LRCH3: variants seen among roughly 807,000 people sequenced by gnomAD.
LRCH3 encodes leucine rich repeats and calponin homology domain containing 3.
LRCH3 carries 68 observed loss-of-function variants against 104.5 expected under a neutral mutation model. That is an observed-to-expected ratio of 0.65 (90% confidence interval 0.54 to 0.80). LRCH3 has a LOEUF of 0.80. LRCH3 is among the 30% of genes least tolerant of loss of function. The probability of loss-of-function intolerance (pLI) is 0.00; values close to 1 mark genes in which losing one functional copy is unlikely to be tolerated. For missense variants in LRCH3, 951 were observed against 953.9 expected, an observed-to-expected ratio of 1.00 and a Z score of 0.04; for synonymous variants, 344 against 361.3, an observed-to-expected ratio of 0.95 and a Z score of 0.54.
At chr3:197,806,359 T>G (rs1239968862) in intron 1 of LRCH3, among the ~76,000 whole-genome samples, 1 of 152,070 alleles carries the variant, frequency 6.6e-6, no homozygotes, top group African/African-American at 2.4e-5. Context: ...ACTCCTGAGC[T>G]CAAATGATCC....
At chr3:197,818,651 A>G (rs1208463397) in intron 3 of LRCH3, among the ~76,000 whole-genome samples, 1 of 152,260 alleles carries the variant, frequency 6.6e-6, no homozygotes, top group Non-Finnish European at 1.5e-5. Flanking sequence ...GGTTAAAAAC[A>G]TGAACTAGAA....
intron 1 of LRCH3, among the ~76,000 whole-genome samples, chr3:197,809,452 C>T (rs992683764): frequency 6.6e-6 from 1 of 152,196 alleles, no homozygotes; most frequent in African/African-American, 2.4e-5. Context: ...GAAGCTTTCA[C>T]TTCAGTTCAT....
At chr3:197,842,527 T>A (rs1228887049) in intron 10 of LRCH3, among the ~76,000 whole-genome samples, 2 of 152,192 alleles carry the variant, frequency 1.3e-5, no homozygotes, top group Admixed American at 6.5e-5. Context: ...TAAGGAATCC[T>A]CTGCTAGTGA....
At chr3:197,857,345 G>A (rs1740392295) in intron 14 of LRCH3, among the ~76,000 whole-genome samples, 1 of 149,140 alleles carries the variant, frequency 6.7e-6, no homozygotes, top group Non-Finnish European at 1.5e-5. Flanking sequence ...GTTAATATCA[G>A]TTTACACTGA....
intron 17 of LRCH3, 137 bp downstream of exon 17, chr3:197,866,356 T>TA: frequency 1.6e-6 from 1 of 634,196 alleles, no homozygotes; most frequent in South Asian, 1.9e-5. Context: ...GTGTCTGTGA[T>TA]CTCACTGATA....
chr3:197,869,520 CCGTGCACTGTACCTGCA>C (rs1711818577), intron 17 of LRCH3, among the ~76,000 whole-genome samples: 2 of 149,032 alleles, frequency 1.3e-5, no homozygotes, highest in African/African-American at 2.5e-5. Flanking sequence ...AGGTAGAAAG[CCGTGCACTGTACCTGCA>C]GGAGGTAGAA....
At position 197,839,376 on chromosome 3, in the gene LRCH3, G is replaced by C; in HGVS notation, c.1307G>C (p.Arg436Thr). ...IREFQKTEDM[R>T]RYLHQNRVPA... ...GAGTTTCAAAAAACAGAAGATATGA[G>C]AAGATATTTACATCAAAACAGGTTT... is the stretch of plus-strand genomic sequence containing the variant. Residue 436 changes from arginine to threonine, a missense_variant, in exon 10 of 21, where the codon AGA becomes ACA. By Grantham distance (71) the Arg-to-Thr change is moderately conservative (BLOSUM62 -1). Transcript: ENST00000425562. The C allele has an allele frequency of 6.3e-7, 1 of 1,594,526 alleles. No individual in the cohort carries two copies. The highest frequency in any genetic ancestry group is 1.9e-5 in the Admixed American group (1 of 53,706).
rs894797052 is a variant in LRCH3 at position 197,883,628 on chromosome 3, C to T, written c.2296C>T (p.Pro766Ser). The change falls in exon 21 of 21, where the codon CCA (proline) becomes TCA (serine). Residue 766 changes from proline to serine, a missense_variant. Physicochemically the swap from Pro to Ser is moderately conservative, Grantham distance 74 (BLOSUM62 -1). Coordinates refer to ENST00000425562, the MANE Select transcript of LRCH3 (RefSeq NM_001365715.1). This position sits in a 1 kb window ranked among gnomAD's most constrained non-coding sequence, Gnocchi z 4.2. ...GGTCCAGGCTCTCCTGGAACTTGCC[C>T]CACCCAAGCAACAGCAGCACCAGTT... ...VTVQALLELA[P>S]PKQQQHQLSA... is the part of the protein sequence containing the mutation. 1.3e-6 allele frequency: 2 copies of T among 1,536,010 alleles called. No homozygotes were observed. Among genetic ancestry groups the T allele is most frequent in the Non-Finnish European group, 1.7e-6 (2 of 1,146,912 alleles).
intron 10 of LRCH3, among the ~76,000 whole-genome samples, chr3:197,840,304 G>T (rs1355721599): frequency 1.3e-5 from 2 of 152,114 alleles, no homozygotes; most frequent in Non-Finnish European, 2.9e-5. Context: ...TGGGTGTGGT[G>T]GCACACGCCT....
chr3:197,842,182 A>G (rs977397768), intron 10 of LRCH3, among the ~76,000 whole-genome samples: 2 of 152,114 alleles, frequency 1.3e-5, no homozygotes, highest in Admixed American at 6.5e-5. Context: ...GTCCTTGGAT[A>G]AGAACTCCAT....
chr3:197,801,200 G>A (rs1177725383), intron 1 of LRCH3, among the ~76,000 whole-genome samples: 4 of 151,656 alleles, frequency 2.6e-5, no homozygotes, highest in African/African-American at 4.8e-5. Context: ...TAATATATAC[G>A]GTGCAAATAT....
At chr3:197,869,804 T>C (rs967260223) in intron 17 of LRCH3, among the ~76,000 whole-genome samples, 1 of 138,926 alleles carries the variant, frequency 7.2e-6, no homozygotes, top group South Asian at 2.3e-4. Flanking sequence ...GCACTGTACC[T>C]GCAGGAGGTA....
At chr3:197,835,326 GGC>G (rs1736613119) in intron 8 of LRCH3, among the ~76,000 whole-genome samples, 1 of 151,718 alleles carries the variant, frequency 6.6e-6, no homozygotes, top group Non-Finnish European at 1.5e-5. Flanking sequence ...TGGGACTACA[GGC>G]GTGTGCCACT....
chr3:197,854,292 G>A lies in LRCH3; in HGVS notation c.1591-100G>A, dbSNP rs566316511. On this transcript the variant is annotated intron_variant, in intron 13 of 20. Coordinates refer to ENST00000425562, the MANE Select transcript of LRCH3 (RefSeq NM_001365715.1). The surrounding 1 kb of genome is among the most constrained non-coding windows in gnomAD (Gnocchi z 4.5). ...TCTATGTCAACGTCTTCAAAAGTATGTCTTAATATGTCTCTTCCCTTGTGT... is the reference window on the plus strand; with the variant it reads ...TCTATGTCAACGTCTTCAAAAGTATATCTTAATATGTCTCTTCCCTTGTGT... 1 of 998,068 alleles carries A rather than the reference G, an allele frequency of 1.0e-6. No homozygotes were observed. The highest frequency in any genetic ancestry group is 1.7e-5 in the Admixed American group (1 of 58,464). 61.8% of individuals were successfully genotyped at this position (998,068 alleles called of 1,614,324 possible). A position where few individuals can be genotyped will look rare whatever the true frequency, so the allele number is the denominator to read the frequency against.
intron 11 of LRCH3, 43 bp downstream of exon 11, chr3:197,847,503 GA>G (rs1401887191): frequency 3.9e-6 from 6 of 1,527,764 alleles, no homozygotes; most frequent in Non-Finnish European, 5.3e-6. Context: ...TTTAAACTAA[GA>G]TGATTTTTTT....
chr3:197,798,260 C>CA (rs573713102), intron 1 of LRCH3, among the ~76,000 whole-genome samples: 1,974 of 150,726 alleles, frequency 0.013, 14 homozygotes, highest in African/African-American at 0.037. Context: ...GACCCTGTCT[C>CA]AAAAAAAATA....
intron 5 of LRCH3, among the ~76,000 whole-genome samples, chr3:197,828,665 T>C (rs1223349095): frequency 1.3e-5 from 2 of 149,570 alleles, no homozygotes; most frequent in African/African-American, 4.9e-5. Flanking sequence ...TTTTTAACTC[T>C]GCAGTTTATT....
chr3:197,850,351 C>CTTTTTTTTTTTTTTTTCT, intron 12 of LRCH3: 1 of 618,700 alleles, frequency 1.6e-6, no homozygotes, highest in South Asian at 2.1e-5. Context: ...ACCATTTTTT[C>CTTTTTTTTTTTTTTTTCT]TTTTTTTTTT....
intron 1 of LRCH3, among the ~76,000 whole-genome samples, chr3:197,805,589 G>A (rs973546811): frequency 1.3e-5 from 2 of 150,522 alleles, no homozygotes; most frequent in Non-Finnish European, 2.9e-5. Context: ...AATGACAGCC[G>A]ACATGCAGAA....
Sources: gnomAD v4.1 joint callset for allele counts (sites outside exome capture counted in the v4.1 genomes callset) on GRCh38, gnomAD v4.1.1 for gene constraint, Gnocchi (gnomAD v3.1) non-coding constraint, MANE v1.5 for transcripts, NCBI Gene and HGNC (gene_info 2026-07-23, HGNC 2026-07-21) for gene names.